The following USH2A variants were observed in gnomAD, a reference collection of about 807,000 sequenced individuals.
USH2A encodes usherin.
Under a neutral mutation model 538.9 loss-of-function variants are expected in USH2A, and 443 were observed. The ratio of observed to expected loss-of-function variants is 0.82; its 90% CI spans 0.76 to 0.89. The LOEUF (loss-of-function observed/expected upper bound fraction) is 0.89. Among genes scored for constraint, USH2A ranks in the 40% least tolerant of loss-of-function variants. USH2A has a pLI of 0.00. For missense variants in USH2A, 6,633 were observed against 6,324.8 expected, an observed-to-expected ratio of 1.05 and a Z score of -1.65; for synonymous variants, 2,413 against 2,273.5, an observed-to-expected ratio of 1.06 and a Z score of -1.75.
At chr1:215,732,730 A>G (rs1164029633) in intron 60 of USH2A, among the ~76,000 whole-genome samples, 2 of 150,660 alleles carry the variant, frequency 1.3e-5, no homozygotes. Context: ...TTTAATAGAG[A>G]CGGGGTTTCA....
chr1:216,026,371 C>T (rs761208125), intron 32 of USH2A, among the ~76,000 whole-genome samples: 14 of 152,076 alleles, frequency 9.2e-5, no homozygotes, highest in Non-Finnish European at 1.9e-4. Context: ...GATGGCATCT[C>T]TCAGGGGTTT....
chr1:216,332,863 A>C (rs1035415987), intron 4 of USH2A, among the ~76,000 whole-genome samples: 2 of 152,118 alleles, frequency 1.3e-5, no homozygotes, highest in Non-Finnish European at 2.9e-5. Flanking sequence ...AAAGGGAAAT[A>C]ATCTGATTTC....
chr1:216,383,752 A>C (rs1489513254), intron 3 of USH2A, among the ~76,000 whole-genome samples: 1 of 152,144 alleles, frequency 6.6e-6, no homozygotes, highest in Non-Finnish European at 1.5e-5. Context: ...ACCATGGCTC[A>C]CAGCCTTGAC....
chr1:216,383,273 C>T (rs531588542), intron 3 of USH2A, among the ~76,000 whole-genome samples: 1 of 152,210 alleles, frequency 6.6e-6, no homozygotes, highest in East Asian at 1.9e-4. Flanking sequence ...GAAAGACAGG[C>T]TCAACTACGC....
rs368991670 is a variant in USH2A at position 215,948,715 on chromosome 1, T to C, written c.7121-13920A>G. 6.9e-3 allele frequency among the ~76,000 whole-genome samples: 1,044 copies of C among 152,232 alleles called. 11 individuals carry two copies. Among genetic ancestry groups the C allele is most frequent in the Middle Eastern group, 0.055 (16 of 292 alleles). On this transcript the variant is annotated intron_variant, in intron 37 of 71. Transcript: ENST00000307340. ...CAGGGACATAATTTTATAAGGATTTTCCTGTGCACCTATCTAATTTTTTTC... is the reference window on the plus strand; with the variant it reads ...CAGGGACATAATTTTATAAGGATTTCCCTGTGCACCTATCTAATTTTTTTC...
At chr1:215,840,274 T>C (rs1254722927) in intron 46 of USH2A, among the ~76,000 whole-genome samples, 3 of 150,372 alleles carry the variant, frequency 2.0e-5, no homozygotes, top group Non-Finnish European at 4.4e-5. Flanking sequence ...GCCTTAATTC[T>C]AAAGTATTAG....
chr1:216,270,984 G>A (rs761348123), intron 11 of USH2A, among the ~76,000 whole-genome samples: 4 of 152,076 alleles, frequency 2.6e-5, no homozygotes, highest in Non-Finnish European at 5.9e-5. Context: ...AAAATAATAA[G>A]ATTCAGTTAA....
chr1:216,294,645 G>T (rs916009085), intron 9 of USH2A, among the ~76,000 whole-genome samples: 1 of 151,408 alleles, frequency 6.6e-6, no homozygotes, highest in African/African-American at 2.4e-5. Flanking sequence ...TAAAGATTTT[G>T]TTAAATATGG....
Position 216,325,376 on chromosome 1 carries a change from C to T in USH2A, c.1072G>A (p.Val358Met), listed in dbSNP as rs752629331. 5 of 1,613,892 alleles carry T rather than the reference C, an allele frequency of 3.1e-6. No homozygotes were observed. Among genetic ancestry groups the T allele is most frequent in the African/African-American group, 1.3e-5 (1 of 75,016 alleles). The change falls in exon 6 of 72, where the codon GTG becomes ATG. Residue 358 changes from valine (V) to methionine (M), a missense_variant. Transcript: ENST00000307340. ...NDVGTSWVSNVFTNITQLNQG... is the reference protein window; with the variant it reads ...NDVGTSWVSNMFTNITQLNQG... Reference sequence around the variant, plus strand: ...TTAAGCTGTGTAATGTTTGTAAACACATTTGAAACCCATGAAGTACCAACA... The same window carrying T: ...TTAAGCTGTGTAATGTTTGTAAACATATTTGAAACCCATGAAGTACCAACA...
chr1:216,362,988 A>G (rs1425411953), intron 4 of USH2A, among the ~76,000 whole-genome samples: 1 of 151,386 alleles, frequency 6.6e-6, no homozygotes, highest in African/African-American at 2.4e-5. Context: ...TTACTGATAT[A>G]GTTTAGTAAT....
chr1:215,945,072 C>T (rs1014529821), intron 37 of USH2A, among the ~76,000 whole-genome samples: 3 of 152,036 alleles, frequency 2.0e-5, no homozygotes, highest in Non-Finnish European at 2.9e-5. Context: ...GAACCTAGAA[C>T]AGGTGGCTAG....
intron 37 of USH2A, among the ~76,000 whole-genome samples, chr1:215,950,934 C>A (rs1666896988): frequency 6.6e-6 from 1 of 152,054 alleles, no homozygotes; most frequent in Non-Finnish European, 1.5e-5. Flanking sequence ...CTATTTGATT[C>A]TTCTCTCTTT....
intron 21 of USH2A, among the ~76,000 whole-genome samples, chr1:216,167,166 A>G (rs2034187435): frequency 6.6e-6 from 1 of 151,888 alleles, no homozygotes; most frequent in African/African-American, 2.4e-5. Flanking sequence ...CATTTCCCCC[A>G]CTTCAATGAA....
intron 32 of USH2A, among the ~76,000 whole-genome samples, chr1:216,041,216 G>C (rs947542558): frequency 6.6e-6 from 1 of 151,980 alleles, no homozygotes; most frequent in East Asian, 1.9e-4. Flanking sequence ...GCCTTCGGGA[G>C]GTTCTCTAAC....
chr1:215,922,491 T>C (rs1417084246), intron 38 of USH2A, among the ~76,000 whole-genome samples: 1 of 152,132 alleles, frequency 6.6e-6, no homozygotes, highest in Non-Finnish European at 1.5e-5. Context: ...TACCTATTTT[T>C]CCCTGAGTAT....
In USH2A at chr1:216,106,203, A is replaced by G. The variant is rs746989841; in HGVS notation, c.4628-8990T>C. On this transcript the variant is annotated intron_variant, in intron 21 of 71. Coordinates refer to ENST00000307340, the MANE Select transcript of USH2A (RefSeq NM_206933.4). Reference sequence around the variant, plus strand: ...AAATATATAAGTATATTAAGTATGTATAAGTATATATAATAAATATATATT... The same window carrying G: ...AAATATATAAGTATATTAAGTATGTGTAAGTATATATAATAAATATATATT... Among the ~76,000 whole-genome samples, 114 of 147,528 alleles carry G rather than the reference A, an allele frequency of 7.7e-4. 1 individual carries two copies. The South Asian group carries it at 8.8e-3, about 11-fold the overall frequency.
Position 216,246,777 on chromosome 1 carries a change from C to T in USH2A, c.2617G>A (p.Gly873Arg), listed in dbSNP as rs1037325220. 6 of 1,613,990 alleles carry T rather than the reference C, an allele frequency of 3.7e-6. No individual in the cohort carries two copies. The highest frequency in any genetic ancestry group is 2.2e-5 in the South Asian group (2 of 91,088). ...KSTGQCPCKL[G>R]VTGLRCNQCE... ...TGATTACAGCGAAGACCTGTTACCC[C>T]TAATTTGCAAGGACATTGTCCTGTT... The change falls in exon 13 of 72, where the codon GGG (glycine) becomes AGG (arginine). Residue 873 changes from glycine to arginine, a missense_variant. Transcript: ENST00000307340.
chr1:216,026,293 T>C, intron 32 of USH2A, among the ~76,000 whole-genome samples: 1 of 152,156 alleles, frequency 6.6e-6, no homozygotes, highest in East Asian at 1.9e-4. Flanking sequence ...CTTAACTACC[T>C]TGAATATTTA....
At chr1:216,203,375 A>T (rs2102474560) in intron 16 of USH2A, among the ~76,000 whole-genome samples, 1 of 152,224 alleles carries the variant, frequency 6.6e-6, no homozygotes, top group Non-Finnish European at 1.5e-5. Flanking sequence ...TGAAAATAAA[A>T]TAGAACAATT....
Sources: allele counts gnomAD v4.1 joint callset (sites outside exome capture counted in the v4.1 genomes callset), GRCh38; gene constraint gnomAD v4.1.1; transcripts MANE v1.5; gene names NCBI Gene and HGNC (gene_info 2026-07-23, HGNC 2026-07-21).